Variants in NAV3 observed in about 807,000 individuals in gnomAD.
The protein encoded by NAV3 is neuron navigator 3.
Under a neutral mutation model 244.7 loss-of-function variants are expected in NAV3, and 87 were observed. The observed-to-expected ratio is 0.36, with a 90% CI of 0.30 to 0.42. NAV3 has a LOEUF of 0.42. Ranked by LOEUF, NAV3 falls within the 20% of genes least tolerant of loss-of-function variation. The pLI, the probability that NAV3 is intolerant of heterozygous loss-of-function variation, is 1.00. For synonymous variants in NAV3, 1,126 were observed against 1,042.2 expected (o/e 1.08, Z -1.55); for missense variants, 2,663 against 2,893.3 (o/e 0.92, Z 1.83).
At chr12:78,117,802 C>T (rs1208870923) in intron 13 of NAV3, among the ~76,000 whole-genome samples, 1 of 152,000 alleles carries the variant, frequency 6.6e-6, no homozygotes, top group African/African-American at 2.4e-5. Context: ...AAAATTTCTA[C>T]CTTTCTGTAG....
chr12:77,970,548 T>C (rs977635592), intron 5 of NAV3, among the ~76,000 whole-genome samples: 13 of 152,160 alleles, frequency 8.5e-5, no homozygotes, highest in Non-Finnish European at 1.8e-4. Flanking sequence ...ATAGTTTTAC[T>C]AAAAACATAG....
chr12:77,591,118 TA>T (rs542514295), intron 2 of NAV3, among the ~76,000 whole-genome samples: 78 of 152,296 alleles, frequency 5.1e-4, no homozygotes, highest in African/African-American at 1.9e-3. Flanking sequence ...ATATATGAGA[TA>T]AAAACTGCTT....
intron 2 of NAV3, among the ~76,000 whole-genome samples, chr12:77,710,918 T>C (rs1304493650): frequency 6.6e-6 from 1 of 152,234 alleles, no homozygotes; most frequent in African/African-American, 2.4e-5. Flanking sequence ...AAAATTGTTT[T>C]ACAAATTTTA....
intron 1 of NAV3, among the ~76,000 whole-genome samples, chr12:77,835,352 T>C (rs1396580567): frequency 6.6e-6 from 1 of 152,230 alleles, no homozygotes; most frequent in Admixed American, 6.5e-5. Flanking sequence ...GTACCCACAA[T>C]AGACGACTGT....
rs2138689115 is a variant in NAV3 at position 78,122,123 on chromosome 12, C to G, written c.3933C>G (p.Leu1311=). The change falls in exon 16 of 40, where the codon CTC becomes CTG. Residue 1311 remains leucine (L), a synonymous_variant. Transcript: ENST00000397909. ...GGCTAAGCGGCAGCAGCAGCCCTCTCTTCAATAAACCCTCAGACTTAACTA... is the reference window on the plus strand; with the variant it reads ...GGCTAAGCGGCAGCAGCAGCCCTCTGTTCAATAAACCCTCAGACTTAACTA... ...AGGLSGSSSP[L]FNKPSDLTTD... 6.2e-7 allele frequency: 1 copy of G among 1,614,158 alleles called. No individual in the cohort carries two copies. The highest frequency in any genetic ancestry group is 2.2e-5 in the East Asian group (1 of 44,854).
intron 2 of NAV3, among the ~76,000 whole-genome samples, chr12:77,575,089 A>G (rs1869019630): frequency 6.7e-6 from 1 of 149,952 alleles, no homozygotes; most frequent in South Asian, 2.1e-4. Context: ...TATATATGCT[A>G]TTATTCAAAA....
At chr12:78,190,252 A>AT in intron 34 of NAV3, 33 bp downstream of exon 34, 1 of 1,540,016 alleles carries the variant, frequency 6.5e-7, no homozygotes, top group Non-Finnish European at 8.9e-7. Flanking sequence ...AACAGCTACA[A>AT]TTTATCCATA....
chr12:78,119,557 G>A lies in NAV3; in HGVS notation c.3361G>A (p.Asp1121Asn), dbSNP rs1397823822. 6.2e-7 allele frequency: 1 copy of A among 1,614,086 alleles called. No homozygotes were observed. The highest frequency in any genetic ancestry group is 8.5e-7 in the Non-Finnish European group (1 of 1,180,042). Residue 1121 changes from aspartate to asparagine, a missense_variant, in exon 15 of 40, where the codon GAT (aspartate) becomes AAT (asparagine). Coordinates refer to ENST00000397909, the MANE Select transcript of NAV3 (RefSeq NM_001024383.2). Reference sequence around the variant, plus strand: ...CAGTTTGGACGGTTCACAGAATCAGGATGATGTTGTGCTGCATGTTAGCTC... The same window carrying A: ...CAGTTTGGACGGTTCACAGAATCAGAATGATGTTGTGCTGCATGTTAGCTC... ...KTSLDGSQNQ[D>N]DVVLHVSSKT... is the part of the protein sequence containing the mutation.
At chr12:77,813,485 C>T (rs925029174) in intron 2 of NAV3, among the ~76,000 whole-genome samples, 1 of 152,110 alleles carries the variant, frequency 6.6e-6, no homozygotes, top group Non-Finnish European at 1.5e-5. Flanking sequence ...CCTATTAGTT[C>T]CTGTCATTCA....
intron 9 of NAV3, among the ~76,000 whole-genome samples, chr12:78,027,421 G>T (rs1354696189): frequency 6.7e-6 from 1 of 149,844 alleles, no homozygotes; most frequent in Non-Finnish European, 1.5e-5. Context: ...TCAAGCCTGG[G>T]TGACAGAGCA....
intron 2 of NAV3, among the ~76,000 whole-genome samples, chr12:77,725,586 G>T (rs1167981516): frequency 6.6e-6 from 1 of 151,740 alleles, no homozygotes; most frequent in East Asian, 1.9e-4. Context: ...ATCAGAGAAA[G>T]TGGTAGTTGT....
intron 23 of NAV3, among the ~76,000 whole-genome samples, chr12:78,164,539 TA>T (rs1957699460): frequency 6.6e-6 from 1 of 152,104 alleles, no homozygotes; most frequent in Non-Finnish European, 1.5e-5. Flanking sequence ...GAAGTGTTTT[TA>T]AAAAATATAT....
intron 1 of NAV3, among the ~76,000 whole-genome samples, chr12:77,871,796 C>G (rs545307673): frequency 6.6e-6 from 1 of 152,108 alleles, no homozygotes; most frequent in Non-Finnish European, 1.5e-5. Flanking sequence ...CCATTGGGTA[C>G]GTACCCAGTA....
At position 78,184,582 on chromosome 12, in the gene NAV3, T is replaced by G. The variant is rs78805677; in HGVS notation, c.5693-1019T>G. Among the ~76,000 whole-genome samples the G allele has an allele frequency of 6.7e-3, 1,024 of 151,950 alleles. 14 individuals carry two copies. The highest frequency in any genetic ancestry group is 0.024 in the African/African-American group (977 of 41,524). ...TTTAATTGTTATGATCTTAGAGTAT[T>G]TTTATTGCTTACTTTCAAAATTACA... On this transcript the variant is annotated intron_variant, in intron 30 of 39. Transcript: ENST00000397909.
chr12:77,859,969 G>A (rs1383583206), intron 1 of NAV3, among the ~76,000 whole-genome samples: 2 of 151,562 alleles, frequency 1.3e-5, no homozygotes, highest in Non-Finnish European at 2.9e-5. Context: ...ATCAACTTCT[G>A]GTAGTAAGTA....
At chr12:78,188,442 C>T in intron 32 of NAV3, 99 bp downstream of exon 32, 2 of 1,206,546 alleles carry the variant, frequency 1.7e-6, no homozygotes, top group Non-Finnish European at 2.3e-6. Flanking sequence ...CTTTTCCTCT[C>T]CTCAAATAAG....
At chr12:77,973,698 C>G (rs1301392535) in intron 5 of NAV3, among the ~76,000 whole-genome samples, 2 of 152,006 alleles carry the variant, frequency 1.3e-5, no homozygotes, top group Non-Finnish European at 2.9e-5. Flanking sequence ...GAAACTGGGA[C>G]AGTTTACAGC....
intron 2 of NAV3, among the ~76,000 whole-genome samples, chr12:77,594,838 T>C (rs1402996163): frequency 6.6e-6 from 1 of 152,194 alleles, no homozygotes; most frequent in East Asian, 1.9e-4. Context: ...ATCTCCATTA[T>C]GAGAATAAAA....
chr12:77,865,838 C>T (rs1879932537), intron 1 of NAV3, among the ~76,000 whole-genome samples: 2 of 151,134 alleles, frequency 1.3e-5, no homozygotes, highest in South Asian at 2.1e-4. Context: ...TTTTTAGTGG[C>T]TACTCTGAAA....
Sources: gnomAD v4.1 joint callset for allele counts (sites outside exome capture counted in the v4.1 genomes callset) on GRCh38, gnomAD v4.1.1 for gene constraint, MANE v1.5 for transcripts, NCBI Gene and HGNC (gene_info 2026-07-23, HGNC 2026-07-21) for gene names.